The following RPGRIP1 variants were observed in gnomAD, a reference collection of about 807,000 sequenced individuals.
The protein encoded by RPGRIP1 is RPGR interacting protein 1.
In RPGRIP1, 128 loss-of-function variants were observed where a neutral mutation model predicts 157.9. The observed-to-expected ratio is 0.81, with a 90% CI of 0.70 to 0.94. RPGRIP1 has a LOEUF of 0.94. Among genes scored for constraint, RPGRIP1 ranks in the 40% least tolerant of loss-of-function variants. The pLI is 0.00. For missense variants in RPGRIP1, 1,486 were observed against 1,545.8 expected, an observed-to-expected ratio of 0.96 and a Z score of 0.65; for synonymous variants, 554 against 571.6, an observed-to-expected ratio of 0.97 and a Z score of 0.44.
intron 24 of RPGRIP1, among the ~76,000 whole-genome samples, chr14:21,349,296 TTGGACTCAAGCAATCCACCC>T (rs1885910547): frequency 6.6e-6 from 1 of 150,678 alleles, no homozygotes; most frequent in Admixed American, 6.6e-5. Flanking sequence ...TCTCGAACTC[TTGGACTCAAGCAATCCACCC>T]TCTTTTGCCT....
rs770273789 is a variant in RPGRIP1 at position 21,303,451 on chromosome 14, G to A, written c.708G>A (p.Glu236=). ...CCAGCAATACCATGCAAGTGGAAGA[G>A]CCACCCAAGTCTCCTGAGAAAATGT... ...IMASNTMQVE[E]PPKSPEKMWP... Residue 236 remains glutamate (E), a synonymous_variant, in exon 6 of 25, where the codon GAG becomes GAA. Coordinates refer to ENST00000400017, the MANE Select transcript of RPGRIP1 (RefSeq NM_020366.4). 4.3e-6 allele frequency: 7 copies of A among 1,613,790 alleles called. No homozygotes were observed. The Admixed American group carries it at 1.2e-4, about 27-fold the overall frequency.
chr14:21,318,767 A>C (rs1299531022), intron 11 of RPGRIP1, among the ~76,000 whole-genome samples: 1 of 151,772 alleles, frequency 6.6e-6, no homozygotes, highest in East Asian at 1.9e-4. Flanking sequence ...AAGCCACTAC[A>C]CCTGGCTGAA....
chr14:21,313,364 G>T (rs1001811039), intron 10 of RPGRIP1, among the ~76,000 whole-genome samples: 1 of 150,446 alleles, frequency 6.6e-6, no homozygotes, highest in Admixed American at 6.7e-5. Context: ...AAAAAAGAAT[G>T]TGAATTACTG....
intron 11 of RPGRIP1, among the ~76,000 whole-genome samples, chr14:21,318,600 C>T (rs867230447): frequency 1.3e-4 from 20 of 152,134 alleles, no homozygotes; most frequent in African/African-American, 4.3e-4. Context: ...CTCAGCCTCC[C>T]GAGTTGCTGG....
chr14:21,307,861 T>G (rs946522670), intron 7 of RPGRIP1, 25 bp downstream of exon 7: 7 of 1,336,868 alleles, frequency 5.2e-6, no homozygotes, highest in Admixed American at 5.3e-5. Flanking sequence ...TCAGCTGTGC[T>G]TTCTTGGTGG....
chr14:21,298,813 G>A (rs1308605570), intron 3 of RPGRIP1, among the ~76,000 whole-genome samples: 4 of 151,486 alleles, frequency 2.6e-5, no homozygotes, highest in Admixed American at 1.3e-4. Flanking sequence ...GGTGGTGGGC[G>A]CCTGTAATCC....
chr14:21,338,400 GC>G (rs1162110916), intron 21 of RPGRIP1, among the ~76,000 whole-genome samples: 1 of 152,182 alleles, frequency 6.6e-6, no homozygotes. Context: ...AGTTTTGGCA[GC>G]CCTGCCCCCC....
chr14:21,349,856 G>A (rs894267756), intron 24 of RPGRIP1, among the ~76,000 whole-genome samples: 4 of 152,084 alleles, frequency 2.6e-5, no homozygotes, highest in African/African-American at 4.8e-5. Context: ...ATTTGTATTT[G>A]AGTACCTTTA....
rs371326975 is a variant in RPGRIP1, at chr14:21,281,703, TA to T, written c.-39+1547del. On this transcript the variant is annotated intron_variant, in intron 1 of 24. Coordinates refer to ENST00000400017, the MANE Select transcript of RPGRIP1 (RefSeq NM_020366.4). ...GACCTTGTCTCAAAAAAAAAAAAAA[TA>T]AATAATAATAATAATAATAATAATA... is the stretch of plus-strand genomic sequence containing the variant. Among the ~76,000 whole-genome samples the T allele has an allele frequency of 2.7e-3, 166 of 62,266 alleles. 3 individuals carry two copies. The highest frequency in any genetic ancestry group is 9.3e-3 in the African/African-American group (162 of 17,346). The allele number at this position is 62,266 out of a possible 152,430, so 40.8% of individuals were successfully genotyped here.
chr14:21,325,694 G>A, intron 16 of RPGRIP1, 137 bp from the exon 17 acceptor site: 1 of 716,566 alleles, frequency 1.4e-6, no homozygotes, highest in Non-Finnish European at 2.3e-6. Context: ...GGCAGGTGAA[G>A]ATCATTAGGT....
At chr14:21,310,679 C>T (rs1881505722) in intron 8 of RPGRIP1, 72 bp downstream of exon 8, 3 of 823,068 alleles carry the variant, frequency 3.6e-6, no homozygotes, top group Middle Eastern at 2.3e-4. Flanking sequence ...CTATGTTCAT[C>T]TCCAAGTAAC....
At chr14:21,330,517 T>C in intron 20 of RPGRIP1, 130 bp downstream of exon 20, 1 of 600,124 alleles carries the variant, frequency 1.7e-6, no homozygotes, top group Non-Finnish European at 2.5e-6. Context: ...AATACAAAAA[T>C]TAGCCGGGTA....
In RPGRIP1 at chr14:21,304,389, G is replaced by GAGAAAAAGAA. The variant is rs140321081; in HGVS notation, c.800+851_800+852insAAGAAAGAAA. On this transcript the variant is annotated intron_variant, in intron 6 of 24. Transcript: ENST00000400017. ...AAGGAAGGGAGGGAGGAAGGAGAGA[G>GAGAAAAAGAA]AGAAAGAAAGAAAGAAAGAAAGAAA... Among the ~76,000 whole-genome samples, 325 of 121,034 alleles carry GAGAAAAAGAA rather than the reference G, an allele frequency of 2.7e-3. 1 individual carries two copies. Among genetic ancestry groups the GAGAAAAAGAA allele is most frequent in the Middle Eastern group, 4.1e-3 (1 of 244 alleles). The allele number at this position is 121,034 out of a possible 152,430, so 79.4% of individuals were successfully genotyped here.
chr14:21,286,124 C>T (rs1880289087), intron 1 of RPGRIP1, among the ~76,000 whole-genome samples: 1 of 151,934 alleles, frequency 6.6e-6, no homozygotes, highest in South Asian at 2.1e-4. Flanking sequence ...TGAGTAGCTG[C>T]GATTAAAGGC....
At chr14:21,281,630 A>G (rs1017930629) in intron 1 of RPGRIP1, among the ~76,000 whole-genome samples, 1 of 150,958 alleles carries the variant, frequency 6.6e-6, no homozygotes, top group African/African-American at 2.4e-5. Flanking sequence ...CAGAGGTTGC[A>G]GTGAGGCGAG....
intron 10 of RPGRIP1, 100 bp downstream of exon 10, chr14:21,312,606 G>A (rs892498908): frequency 1.5e-6 from 1 of 662,676 alleles, no homozygotes; most frequent in East Asian, 3.0e-5. Context: ...GGGGAAATTG[G>A]TACTCAATAT....
intron 12 of RPGRIP1, 88 bp from the exon 13 acceptor site, chr14:21,321,171 C>A: frequency 1.1e-5 from 15 of 1,357,164 alleles, no homozygotes; most frequent in Non-Finnish European, 1.4e-5. Flanking sequence ...TGGCATTTTA[C>A]TACTACCAAC....
At chr14:21,285,170 TAAAC>T (rs1172526242) in intron 1 of RPGRIP1, among the ~76,000 whole-genome samples, 1 of 151,746 alleles carries the variant, frequency 6.6e-6, no homozygotes, top group East Asian at 1.9e-4. Flanking sequence ...ACAAGGGAAA[TAAAC>T]AGGGTGAGGT....
chr14:21,330,253 T>C lies in RPGRIP1; in HGVS notation c.3104T>C (p.Val1035Ala). ...ATTGTTGTTCTTATTCTGAAGCAGG[T>C]GAATTACACTGAGTGGAAGTTCTCA... The part of the protein sequence containing the change: ...NILNGNTPEQ[V>A]NYTEWKFSET... Residue 1035 changes from valine to alanine, a missense_variant, in exon 20 of 25, where the codon GTG (valine) becomes GCG (alanine). By Grantham distance (64) the Val-to-Ala change is moderately conservative. Coordinates refer to ENST00000400017, the MANE Select transcript of RPGRIP1 (RefSeq NM_020366.4). The C allele has an allele frequency of 6.5e-7, 1 of 1,549,708 alleles. No individual in the cohort carries two copies. Among genetic ancestry groups the C allele is most frequent in the Non-Finnish European group, 8.7e-7 (1 of 1,155,850 alleles).
Sources: allele counts gnomAD v4.1 joint callset (sites outside exome capture counted in the v4.1 genomes callset), GRCh38; gene constraint gnomAD v4.1.1; transcripts MANE v1.5; gene names NCBI Gene and HGNC (gene_info 2026-07-23, HGNC 2026-07-21).